The following CCDC175 variants were observed in gnomAD, a reference collection of about 807,000 sequenced individuals.
The protein encoded by CCDC175 is coiled-coil domain-containing protein 175.
In CCDC175, 100 loss-of-function variants were observed where a neutral mutation model predicts 114.6. That is an observed-to-expected ratio of 0.87 (90% CI 0.74 to 1.03). The LOEUF (loss-of-function observed/expected upper bound fraction) is 1.03, where lower values mean the gene tolerates loss of function less well. Among genes scored for constraint, CCDC175 ranks in the 50% least tolerant of loss-of-function variants. The pLI is 0.00. For missense variants in CCDC175, 880 were observed against 917.8 expected, an observed-to-expected ratio of 0.96 and a Z score of 0.53; for synonymous variants, 306 against 308.7, an observed-to-expected ratio of 0.99 and a Z score of 0.09.
chr14:59,559,407 A>G (rs900736297), intron 7 of CCDC175, among the ~76,000 whole-genome samples: 1 of 152,150 alleles, frequency 6.6e-6, no homozygotes, highest in African/African-American at 2.4e-5. Context: ...CCAAACGCAC[A>G]TGGAATTTAA....
intron 8 of CCDC175, 39 bp downstream of exon 8, chr14:59,551,316 G>A (rs894533915): frequency 1.2e-5 from 11 of 900,318 alleles, no homozygotes; most frequent in African/African-American, 3.5e-5. Context: ...AAAATGAAAT[G>A]TAATTATAAT....
intron 9 of CCDC175, among the ~76,000 whole-genome samples, chr14:59,543,731 C>T (rs1054713710): frequency 2.0e-5 from 3 of 152,004 alleles, no homozygotes; most frequent in African/African-American, 7.3e-5. Flanking sequence ...TGGTCTTATG[C>T]GATTGGTCCA....
At chr14:59,554,898 C>T (rs183594968) in intron 7 of CCDC175, among the ~76,000 whole-genome samples, 174 of 152,282 alleles carry the variant, frequency 1.1e-3, no homozygotes, top group Non-Finnish European at 1.9e-3. Context: ...CACATACACC[C>T]TCCGAAGACT....
Position 59,538,761 on chromosome 14 carries a change from C to T in CCDC175, c.1435G>A (p.Ala479Thr). Residue 479 changes from alanine (A) to threonine (T), a missense_variant, in exon 12 of 20, where the codon GCT (alanine) becomes ACT (threonine). Ala to Thr is a moderately conservative substitution (Grantham distance 58). Transcript: ENST00000537690. ...GCATTCTGAATTTTTTCTGTAATAG[C>T]TTGTATTTCAGCTTTTATCTTGGCT... Reference protein sequence around the residue: ...WTAKIKAEIQAITEKIQNAEV... With the variant: ...WTAKIKAEIQTITEKIQNAEV... 1 of 1,536,294 alleles carries T rather than the reference C, an allele frequency of 6.5e-7. No individual in the cohort carries two copies. Among genetic ancestry groups the T allele is most frequent in the Non-Finnish European group, 8.7e-7 (1 of 1,146,326 alleles).
chr14:59,546,406 T>A (rs1171356897), intron 8 of CCDC175, among the ~76,000 whole-genome samples: 1 of 152,002 alleles, frequency 6.6e-6, no homozygotes, highest in African/African-American at 2.4e-5. Context: ...GCAGCCCAAA[T>A]CTCAGCATTA....
chr14:59,564,489 T>C (rs1463664813), intron 5 of CCDC175: 1 of 155,116 alleles, frequency 6.4e-6, no homozygotes, highest in Non-Finnish European at 1.4e-5. Flanking sequence ...TGAATTTTAA[T>C]TAACATGGCA....
chr14:59,538,237 C>A (rs1394338428), intron 12 of CCDC175, 83 bp from the exon 13 acceptor site: 2 of 1,189,714 alleles, frequency 1.7e-6, no homozygotes, highest in African/African-American at 3.1e-5. Context: ...ATTAATATCT[C>A]TTTGCAGGAG....
intron 19 of CCDC175, among the ~76,000 whole-genome samples, chr14:59,506,775 G>A (rs189255566): frequency 6.6e-6 from 1 of 152,272 alleles, no homozygotes; most frequent in East Asian, 1.9e-4. Context: ...TAATCAAAAT[G>A]TAGATGATTG....
Position 59,572,798 on chromosome 14 carries a change from CT to C in CCDC175, c.258del (p.Ala87ProfsTer41). On this transcript the variant is annotated frameshift_variant, in exon 3 of 20. Transcript: ENST00000537690. LOFTEE classifies it high-confidence loss of function. ...VAVKKLEEMR[K>X]ATIDLLEIES... The stretch of plus-strand genomic sequence containing the variant: ...TCAATCTCCAAAAGATCGATTGTGG[CT>C]TTTCTCATTTCTTCCTGAAAATTTA... 2.0e-6 allele frequency: 3 copies of C among 1,504,560 alleles called. No individual in the cohort carries two copies. The highest frequency in any genetic ancestry group is 2.6e-5 in the South Asian group (2 of 77,136). The allele number at this position is 1,504,560 out of a possible 1,614,324, so 93.2% of individuals were successfully genotyped here. A position where few individuals can be genotyped will look rare whatever the true frequency, so the allele number is the denominator to read the frequency against.
chr14:59,512,732 A>G (rs1892824672), intron 17 of CCDC175, among the ~76,000 whole-genome samples: 1 of 151,832 alleles, frequency 6.6e-6, no homozygotes, highest in Non-Finnish European at 1.5e-5. Context: ...AGAAAATATA[A>G]TTTCATTAAA....
intron 9 of CCDC175, among the ~76,000 whole-genome samples, chr14:59,544,840 C>G (rs892870954): frequency 4.6e-5 from 7 of 152,234 alleles, no homozygotes; most frequent in African/African-American, 1.7e-4. Flanking sequence ...ACCAGACAGA[C>G]AGCATGTTCT....
rs555971302 is a variant in CCDC175, at chr14:59,570,526, A to G, written c.356-2146T>C. On this transcript the variant is annotated intron_variant, in intron 3 of 19. Transcript: ENST00000537690. ...TGTGTGTGTAGAGCATTTATTGGGT[A>G]GTGCTCTGAGGAACATCTCTTTGGA... Among the ~76,000 whole-genome samples, 3 of 151,912 alleles carry G rather than the reference A, an allele frequency of 2.0e-5. No homozygotes were observed. The East Asian group carries it at 5.8e-4, about 29-fold the overall frequency.
chr14:59,520,177 G>A (rs1344012529), intron 17 of CCDC175, among the ~76,000 whole-genome samples: 1 of 152,150 alleles, frequency 6.6e-6, no homozygotes, highest in Non-Finnish European at 1.5e-5. Context: ...TATTCAAATG[G>A]CCAAGAAACA....
intron 13 of CCDC175, among the ~76,000 whole-genome samples, chr14:59,532,931 T>C (rs1355437568): frequency 6.6e-6 from 1 of 152,230 alleles, no homozygotes; most frequent in Non-Finnish European, 1.5e-5. Context: ...AGTTTACTCT[T>C]AAAAACTTTT....
intron 7 of CCDC175, among the ~76,000 whole-genome samples, chr14:59,555,450 T>C (rs149718145): frequency 0.014 from 2,130 of 152,332 alleles, 49 homozygotes; most frequent in African/African-American, 0.049. Context: ...AATTTGGTAT[T>C]GATGGGACGT....
Position 59,531,765 on chromosome 14 carries a change from T to C in CCDC175, c.1762+7A>G. 1 of 1,473,226 alleles carries C rather than the reference T, an allele frequency of 6.8e-7. No individual in the cohort carries two copies. 91.3% of individuals were successfully genotyped at this position (1,473,226 alleles called of 1,614,324 possible). On this transcript the variant is annotated splice_region_variant and intron_variant, in intron 14 of 19. Coordinates refer to ENST00000537690, the MANE Select transcript of CCDC175 (RefSeq NM_001164399.2). Reference sequence around the variant, plus strand: ...TTGAGTTTAATTACTAAATGCTTCATATGTACCTGTAATAATATTACTGAG... The same window carrying C: ...TTGAGTTTAATTACTAAATGCTTCACATGTACCTGTAATAATATTACTGAG...
Position 59,574,106 on chromosome 14 carries a change from C to T in CCDC175, c.243+837G>A, listed in dbSNP as rs978484278. The stretch of plus-strand genomic sequence containing the variant: ...AACACACATGATCCCTCAGTGTTTA[C>T]GTGTACCTACTCAAGTAGGATTGTA... On this transcript the variant is annotated intron_variant, in intron 2 of 19. Coordinates refer to ENST00000537690, the MANE Select transcript of CCDC175 (RefSeq NM_001164399.2). 2.6e-4 allele frequency among the ~76,000 whole-genome samples: 40 copies of T among 152,120 alleles called. 1 individual carries two copies. Among genetic ancestry groups the T allele is most frequent in the South Asian group, 2.1e-4 (1 of 4,826 alleles).
intron 15 of CCDC175, among the ~76,000 whole-genome samples, chr14:59,525,681 A>G (rs1432818260): frequency 6.6e-6 from 1 of 152,202 alleles, no homozygotes; most frequent in African/African-American, 2.4e-5. Flanking sequence ...TAAAATATAC[A>G]GTCAGCCCTC....
At chr14:59,518,016 G>A (rs552779971) in intron 17 of CCDC175, among the ~76,000 whole-genome samples, 69 of 152,084 alleles carry the variant, frequency 4.5e-4, no homozygotes, top group Middle Eastern at 3.4e-3. Context: ...AAATAATGCC[G>A]CATATCTACA....
Sources: allele counts gnomAD v4.1 joint callset (sites outside exome capture counted in the v4.1 genomes callset), GRCh38; gene constraint gnomAD v4.1.1; transcripts MANE v1.5; gene names NCBI Gene and HGNC (gene_info 2026-07-23, HGNC 2026-07-21).